The following PSEN1 variants were observed in gnomAD, a reference collection of about 807,000 sequenced individuals.
PSEN1 encodes presenilin 1.
Under a neutral mutation model 53.5 loss-of-function variants are expected in PSEN1, and 15 were observed. The ratio of observed to expected loss-of-function variants is 0.28; its 90% CI spans 0.19 to 0.43. The LOEUF (loss-of-function observed/expected upper bound fraction) is 0.43. Ranked by LOEUF, PSEN1 falls within the 20% of genes least tolerant of loss-of-function variation. PSEN1 has a pLI of 1.00. For missense variants in PSEN1, 387 were observed against 571.2 expected, an observed-to-expected ratio of 0.68 and a Z score of 3.29; for synonymous variants, 208 against 209.8, an observed-to-expected ratio of 0.99 and a Z score of 0.08.
Position 73,209,060 on chromosome 14 carries a change from C to T in PSEN1, c.955+2588C>T, listed in dbSNP as rs1158607386. 5.0e-5 allele frequency: 16 copies of T among 319,124 alleles called. 1 individual carries two copies. The highest frequency in any genetic ancestry group is 8.1e-5 in the Non-Finnish European group (13 of 160,734). The allele number at this position is 319,124 out of a possible 1,614,324, so 19.8% of individuals were successfully genotyped here. On this transcript the variant is annotated intron_variant, in intron 9 of 11. Coordinates refer to ENST00000324501, the MANE Select transcript of PSEN1 (RefSeq NM_000021.4). ...CGGCCAGGTCATGACAGCACCCAGC[C>T]TCAGCCACAACTTTGCTCTGAAATC...
intron 7 of PSEN1, among the ~76,000 whole-genome samples, chr14:73,194,661 C>T (rs770044935): frequency 9.9e-5 from 15 of 151,382 alleles, no homozygotes; most frequent in Middle Eastern, 3.4e-3. Flanking sequence ...CTTCGCCTCC[C>T]AGGTTCATGC....
At chr14:73,147,924 A>G (rs571028225) in intron 2 of PSEN1, 43 bp from the exon 3 acceptor site, 2 of 904,304 alleles carry the variant, frequency 2.2e-6, no homozygotes, top group Non-Finnish European at 3.6e-6. Flanking sequence ...TTATAACAGT[A>G]TAATTGTAGT....
intron 3 of PSEN1, 136 bp downstream of exon 3, chr14:73,148,242 A>C: frequency 1.3e-6 from 1 of 755,880 alleles, no homozygotes; most frequent in Non-Finnish European, 2.3e-6. Context: ...GGTGAACTTC[A>C]GCTGATTGCT....
intron 7 of PSEN1, among the ~76,000 whole-genome samples, chr14:73,193,549 C>CAA (rs372716222): frequency 5.4e-5 from 5 of 93,330 alleles, no homozygotes; most frequent in Non-Finnish European, 8.3e-5. Flanking sequence ...GACTCTGTCT[C>CAA]AAAAAAAAAA....
intron 3 of PSEN1, among the ~76,000 whole-genome samples, chr14:73,151,324 C>A (rs1232586530): frequency 6.6e-6 from 1 of 152,142 alleles, no homozygotes; most frequent in African/African-American, 2.4e-5. Context: ...ATTCATTAGT[C>A]TGTGTGCACT....
intron 5 of PSEN1, among the ~76,000 whole-genome samples, chr14:73,181,676 A>G (rs1898218252): frequency 6.6e-6 from 1 of 152,248 alleles, no homozygotes; most frequent in Non-Finnish European, 1.5e-5. Context: ...TGAAAGCAGA[A>G]TGTAAACAGT....
chr14:73,206,564 C>T (rs1257227125), intron 9 of PSEN1, 92 bp downstream of exon 9: 3 of 849,156 alleles, frequency 3.5e-6, no homozygotes, highest in South Asian at 1.4e-5. Context: ...TTTCTTTGGT[C>T]ATAGACTCCT....
intron 5 of PSEN1, among the ~76,000 whole-genome samples, chr14:73,179,325 C>T (rs547623041): frequency 5.9e-5 from 9 of 152,126 alleles, no homozygotes; most frequent in Admixed American, 1.3e-4. Flanking sequence ...TGGAGAAAAG[C>T]GGAAAAGAAT....
intron 10 of PSEN1, among the ~76,000 whole-genome samples, chr14:73,215,064 G>A (rs1899857699): frequency 1.3e-5 from 2 of 151,912 alleles, no homozygotes; most frequent in African/African-American, 2.4e-5. Flanking sequence ...AGGTTCAAGC[G>A]ATACTCCTGC....
chr14:73,152,163 C>T (rs186756046), intron 3 of PSEN1, among the ~76,000 whole-genome samples: 177 of 148,372 alleles, frequency 1.2e-3, no homozygotes, highest in Non-Finnish European at 2.2e-3. Context: ...TCGCCCGTCT[C>T]GGCCTCCCAA....
chr14:73,212,043 T>C (rs920644056), intron 10 of PSEN1, 101 bp downstream of exon 10: 2 of 929,622 alleles, frequency 2.2e-6, no homozygotes, highest in African/African-American at 3.3e-5. Flanking sequence ...TACAGTCTAA[T>C]TCTATATCAC....
chr14:73,144,354 T>A (rs1897011653), intron 1 of PSEN1, among the ~76,000 whole-genome samples: 1 of 152,106 alleles, frequency 6.6e-6, no homozygotes, highest in African/African-American at 2.4e-5. Context: ...TATCCTTTTT[T>A]AAAAAAACAT....
At chr14:73,158,320 C>T (rs1897427669) in intron 3 of PSEN1, among the ~76,000 whole-genome samples, 2 of 151,026 alleles carry the variant, frequency 1.3e-5, no homozygotes, top group Non-Finnish European at 3.0e-5. Flanking sequence ...ATCTATCTAT[C>T]TATCTATCTA....
At chr14:73,219,110 G>A (rs774691383) in intron 11 of PSEN1, 24 bp from the exon 12 acceptor site, 7 of 1,612,488 alleles carry the variant, frequency 4.3e-6, no homozygotes, top group Middle Eastern at 1.6e-4. Context: ...GTGTGAATGT[G>A]TGTCTTTCCC....
chr14:73,150,675 G>T (rs1234760953), intron 3 of PSEN1, among the ~76,000 whole-genome samples: 2 of 146,762 alleles, frequency 1.4e-5, no homozygotes, highest in Non-Finnish European at 3.0e-5. Flanking sequence ...CTGAGGCAGA[G>T]AATTGCTTGA....
intron 3 of PSEN1, among the ~76,000 whole-genome samples, chr14:73,165,123 T>C (rs555938026): frequency 6.6e-6 from 1 of 151,992 alleles, no homozygotes; most frequent in South Asian, 2.1e-4. Flanking sequence ...CACTGGCTAA[T>C]TTTTGTATTT....
intron 1 of PSEN1, among the ~76,000 whole-genome samples, chr14:73,140,695 T>G (rs1809178209): frequency 6.6e-6 from 1 of 152,250 alleles, no homozygotes; most frequent in South Asian, 2.1e-4. Context: ...CTTTACAAAA[T>G]CCAAAAAAAT....
chr14:73,194,673 G>A (rs61986895), intron 7 of PSEN1, among the ~76,000 whole-genome samples: 9 of 149,680 alleles, frequency 6.0e-5, no homozygotes, highest in East Asian at 4.0e-4. Context: ...GGTTCATGCC[G>A]TTCTCCTGCC....
intron 8 of PSEN1, among the ~76,000 whole-genome samples, chr14:73,203,029 G>A (rs1313803947): frequency 2.6e-5 from 4 of 151,992 alleles, no homozygotes; most frequent in African/African-American, 9.7e-5. Context: ...AATACTAAAT[G>A]TCTGGTGAAG....
Sources: allele counts gnomAD v4.1 joint callset (sites outside exome capture counted in the v4.1 genomes callset), GRCh38; gene constraint gnomAD v4.1.1; transcripts MANE v1.5; gene names NCBI Gene and HGNC (gene_info 2026-07-23, HGNC 2026-07-21).